Variants in MMD2 observed in about 807,000 individuals in gnomAD.
MMD2 encodes the protein monocyte to macrophage differentiation factor 2.
A neutral mutation model predicts 33.5 loss-of-function variants in MMD2; 30 were observed. The ratio of observed to expected loss-of-function variants is 0.90; its 90% CI spans 0.67 to 1.22. MMD2 has a LOEUF of 1.22. Among genes scored for constraint, MMD2 ranks in the 50% most tolerant of loss-of-function variants. The pLI is 0.00. For synonymous variants in MMD2, 129 were observed against 123.0 expected (o/e 1.05, Z -0.32); for missense variants, 364 against 325.4 (o/e 1.12, Z -0.91).
chr7:4,934,119 G>A (rs1249536167), intron 1 of MMD2, among the ~76,000 whole-genome samples: 4 of 150,612 alleles, frequency 2.7e-5, no homozygotes, highest in Non-Finnish European at 5.9e-5. Context: ...GACTACAGAT[G>A]AGGTTTTGCC....
the MMD2 span, among the ~76,000 whole-genome samples, chr7:4,895,829 C>T: frequency 2.0e-5 from 3 of 151,780 alleles, no homozygotes; most frequent in South Asian, 2.1e-4. Context: ...CCACCGCGCC[C>T]GGCTGAGCCC....
At chr7:4,930,911 C>A (rs564550185) in intron 1 of MMD2, among the ~76,000 whole-genome samples, 4 of 151,190 alleles carry the variant, frequency 2.6e-5, no homozygotes, top group African/African-American at 9.7e-5. Context: ...AGTGCAGTGG[C>A]GCGATCTCGG....
At chr7:4,921,748 C>T (rs1434738797) in intron 2 of MMD2, among the ~76,000 whole-genome samples, 2 of 152,052 alleles carry the variant, frequency 1.3e-5, no homozygotes, top group Non-Finnish European at 2.9e-5. Flanking sequence ...AGAGGTATCC[C>T]GCTAGCCTCC....
At chr7:4,932,683 C>T (rs952684142) in intron 1 of MMD2, among the ~76,000 whole-genome samples, 10 of 150,234 alleles carry the variant, frequency 6.7e-5, no homozygotes, top group East Asian at 3.9e-4. Context: ...AGTGCAGTGG[C>T]ATGATCTCAG....
intron 1 of MMD2, 122 bp downstream of exon 1, chr7:4,958,849 G>T: frequency 1.2e-6 from 1 of 850,134 alleles, no homozygotes. Context: ...CGGGGGTCAG[G>T]GGTCCGCCGA....
rs1196601967 is a variant in MMD2, at chr7:4,920,340, G to A, written c.130-9C>T. 38 of 1,602,088 alleles carry A rather than the reference G, an allele frequency of 2.4e-5. 1 individual carries two copies. The Admixed American group carries it at 6.6e-4, about 28-fold the overall frequency. On this transcript the variant is annotated splice_polypyrimidine_tract_variant and intron_variant, in intron 2 of 6. Transcript: ENST00000401401. ...CTGGGGATGATCCAGAACTGGAGGG[G>A]CAGGGACGGCAGGGACAGGTGCAGC...
At chr7:4,908,430 C>T (rs968248870) in intron 6 of MMD2, among the ~76,000 whole-genome samples, 1 of 152,044 alleles carries the variant, frequency 6.6e-6, no homozygotes, top group African/African-American at 2.4e-5. Flanking sequence ...GCGGAAGCCA[C>T]TGCGCCTGGC....
intron 1 of MMD2, among the ~76,000 whole-genome samples, chr7:4,927,839 A>G (rs1785473167): frequency 6.6e-6 from 1 of 152,168 alleles, no homozygotes; most frequent in South Asian, 2.1e-4. Context: ...TGGCCATTTT[A>G]CAGATGGAGA....
downstream of MMD2, among the ~76,000 whole-genome samples, chr7:4,902,610 T>G (rs943958541): frequency 1.3e-5 from 2 of 152,168 alleles, no homozygotes; most frequent in African/African-American, 4.8e-5. Flanking sequence ...CAGCTCTTTC[T>G]CGTCACACCT....
At chr7:4,947,787 C>CCT (rs1786132141) in intron 1 of MMD2, among the ~76,000 whole-genome samples, 1 of 149,490 alleles carries the variant, frequency 6.7e-6, no homozygotes, top group South Asian at 2.1e-4. Context: ...GCAAACTCCA[C>CCT]CTCCCGGGTT....
intron 2 of MMD2, among the ~76,000 whole-genome samples, chr7:4,925,200 G>A (rs1785390971): frequency 6.6e-6 from 1 of 152,146 alleles, no homozygotes; most frequent in Non-Finnish European, 1.5e-5. Context: ...CAAAGTGCTG[G>A]AATTATAGGC....
intron 1 of MMD2, among the ~76,000 whole-genome samples, chr7:4,944,250 G>A (rs954019298): frequency 6.6e-6 from 1 of 151,820 alleles, no homozygotes; most frequent in Non-Finnish European, 1.5e-5. Flanking sequence ...ACTTCAGCCT[G>A]GGCAACAGAG....
rs764425556 is a variant in MMD2 at position 4,907,529 on chromosome 7, T to C, written c.608A>G (p.Lys203Arg). Residue 203 changes from lysine (K) to arginine (R), a missense_variant, in exon 7 of 7, where the codon AAG becomes AGG. By Grantham distance (26) the Lys-to-Arg change is conservative. Transcript: ENST00000401401. Reference protein sequence around the residue: ...VFYCLGMVFFKSDGRIPFAHA... With the variant: ...VFYCLGMVFFRSDGRIPFAHA... ...GGCAAAGGGGATCCTCCCGTCACTC[T>C]TGAAGAAGACCATGCCCAGGCAGTA... The C allele has an allele frequency of 1.2e-6, 2 of 1,613,790 alleles. No homozygotes were observed. Among genetic ancestry groups the C allele is most frequent in the Non-Finnish European group, 1.7e-6 (2 of 1,179,900 alleles).
rs73673940 is a variant in MMD2 at position 4,906,873 on chromosome 7, A to G, written c.*523T>C. The G allele has an allele frequency of 3.7e-6, 1 of 268,148 alleles. No individual in the cohort carries two copies. Among genetic ancestry groups the G allele is most frequent in the Non-Finnish European group, 7.1e-6 (1 of 141,828 alleles). The allele number at this position is 268,148 out of a possible 1,614,324, so 16.6% of individuals were successfully genotyped here. On this transcript the variant is annotated 3_prime_UTR_variant, in exon 7 of 7. Coordinates refer to ENST00000401401, the MANE Select transcript of MMD2 (RefSeq NM_198403.4). ...GCTGGGAAGAATTCTGACATCACCC[A>G]TGTGCTGCACTTGATTGGTGATGTC... is the stretch of plus-strand genomic sequence containing the variant.
intron 1 of MMD2, among the ~76,000 whole-genome samples, chr7:4,929,382 G>A (rs193198735): frequency 2.0e-5 from 3 of 152,226 alleles, no homozygotes; most frequent in East Asian, 1.9e-4. Context: ...AGAACATGGA[G>A]GACCCACCCT....
intron 6 of MMD2, among the ~76,000 whole-genome samples, chr7:4,908,687 A>C (rs1301658994): frequency 6.6e-6 from 1 of 151,694 alleles, no homozygotes; most frequent in Non-Finnish European, 1.5e-5. Flanking sequence ...TCACGAGGTC[A>C]GGAGTTCGAG....
chr7:4,945,203 C>CTTCTTCTTCTTCTTCTT (rs1554273358), intron 1 of MMD2, among the ~76,000 whole-genome samples: 12 of 138,574 alleles, frequency 8.7e-5, no homozygotes, highest in Non-Finnish European at 1.7e-4. Context: ...TCTTCTTCTT[C>CTTCTTCTTCTTCTTCTT]TTCTTCTTCT....
intron 1 of MMD2, among the ~76,000 whole-genome samples, chr7:4,927,818 C>G (rs1368954958): frequency 6.6e-6 from 1 of 152,186 alleles, no homozygotes; most frequent in Non-Finnish European, 1.5e-5. Flanking sequence ...CAGAGCACCA[C>G]GTGGAGCTAT....
intron 1 of MMD2, among the ~76,000 whole-genome samples, chr7:4,954,906 G>C (rs34278873): frequency 0.066 from 10,104 of 152,146 alleles, 486 homozygotes; most frequent in Non-Finnish European, 0.099. Flanking sequence ...TGTATGGTGT[G>C]AGGTAGGGTT....
Sources: allele counts gnomAD v4.1 joint callset (sites outside exome capture counted in the v4.1 genomes callset), GRCh38; gene constraint gnomAD v4.1.1; transcripts MANE v1.5; gene names NCBI Gene and HGNC (gene_info 2026-07-23, HGNC 2026-07-21).